Variants in NRXN3 observed in about 807,000 individuals in gnomAD.
The protein encoded by NRXN3 is neurexin III.
NRXN3 carries 32 observed loss-of-function variants against 137.6 expected under a neutral mutation model. The observed-to-expected ratio is 0.23, with a 90% CI of 0.18 to 0.31. The LOEUF (loss-of-function observed/expected upper bound fraction) is 0.31. NRXN3 is among the 10% of genes least tolerant of loss of function. The probability of loss-of-function intolerance (pLI) is 1.00; values close to 1 mark genes in which losing one functional copy is unlikely to be tolerated. For missense variants in NRXN3, 1,574 were observed against 2,062.5 expected (o/e 0.76, Z 4.59); for synonymous variants, 798 against 784.5 (o/e 1.02, Z -0.29).
rs1311523725 is a variant in NRXN3 at position 79,281,663 on chromosome 14, G to C, written c.3263-185558G>C. The C allele has an allele frequency of 6.6e-5, 10 of 152,148 alleles. No individual in the cohort carries two copies. The East Asian group carries it at 1.6e-3, about 24-fold the overall frequency. The allele number at this position is 152,148 out of a possible 1,614,324, so 9.4% of individuals were successfully genotyped here. A position where few individuals can be genotyped will look rare whatever the true frequency, so the allele number is the denominator to read the frequency against. On this transcript the variant is annotated intron_variant, in intron 15 of 20. Transcript: ENST00000335750. ...GTTATAAAGTAGCCTGTGTGGTAAT[G>C]GTCAGGGAAAAGTAGCCAAATATAA...
chr14:78,888,848 T>TACACACACATACACACAC lies in NRXN3; in HGVS notation c.2276-68385_2276-68384insTACACACACACACACACA, dbSNP rs138583318. 6.5e-3 allele frequency among the ~76,000 whole-genome samples: 955 copies of TACACACACATACACACAC among 146,408 alleles called. 10 individuals carry two copies. Among genetic ancestry groups the TACACACACATACACACAC allele is most frequent in the African/African-American group, 0.023 (898 of 39,742 alleles). ...CTAGTTGGGAGAGTAATCACACACA[T>TACACACACATACACACAC]ACACACACACACACACACACACACC... On this transcript the variant is annotated intron_variant, in intron 10 of 20. Coordinates refer to ENST00000335750, the MANE Select transcript of NRXN3 (RefSeq NM_001330195.2).
At chr14:78,379,433 G>A (rs962525094) in intron 4 of NRXN3, among the ~76,000 whole-genome samples, 1 of 152,056 alleles carries the variant, frequency 6.6e-6, no homozygotes, top group Non-Finnish European at 1.5e-5. Context: ...AAAGTAGAAG[G>A]GTGCAGGGAA....
chr14:78,777,638 A>C (rs1054828327), intron 8 of NRXN3, among the ~76,000 whole-genome samples: 1 of 152,210 alleles, frequency 6.6e-6, no homozygotes, highest in Admixed American at 6.5e-5. Context: ...ATGTTTGTCT[A>C]AACAACCCTA....
At chr14:79,073,460 A>G (rs903222216) in intron 15 of NRXN3, among the ~76,000 whole-genome samples, 1 of 152,164 alleles carries the variant, frequency 6.6e-6, no homozygotes, top group Admixed American at 6.5e-5. Flanking sequence ...TAAGAAAATT[A>G]CAGATTAAAT....
chr14:78,250,092 T>C, intron 2 of NRXN3: 1 of 517,114 alleles, frequency 1.9e-6, no homozygotes, highest in Non-Finnish European at 3.9e-6. Context: ...TCTCATTTTT[T>C]TGGATAAGGA....
chr14:79,823,193 A>G (rs1010225646), intron 20 of NRXN3, among the ~76,000 whole-genome samples: 1 of 152,146 alleles, frequency 6.6e-6, no homozygotes, highest in African/African-American at 2.4e-5. Context: ...TCTCTTGGGT[A>G]ATCTATACCA....
intron 15 of NRXN3, among the ~76,000 whole-genome samples, chr14:79,406,343 C>T (rs1432647150): frequency 7.3e-5 from 11 of 150,756 alleles, no homozygotes. Flanking sequence ...CTTGCTCTGT[C>T]ACCCAGGCTG....
intron 16 of NRXN3, among the ~76,000 whole-genome samples, chr14:79,542,397 A>G (rs1324806613): frequency 6.6e-6 from 1 of 152,228 alleles, no homozygotes; most frequent in East Asian, 1.9e-4. Context: ...AAGAGTCTCA[A>G]TGTGTTCTTA....
At chr14:79,064,796 C>CAT (rs1441130553) in intron 15 of NRXN3, among the ~76,000 whole-genome samples, 24 of 70,274 alleles carry the variant, frequency 3.4e-4, no homozygotes, top group Admixed American at 1.5e-3. Context: ...TATAATTACC[C>CAT]ATATATATGT....
chr14:78,385,601 T>G (rs2089855130), intron 4 of NRXN3, among the ~76,000 whole-genome samples: 1 of 152,156 alleles, frequency 6.6e-6, no homozygotes, highest in Non-Finnish European at 1.5e-5. Flanking sequence ...AGGCCAGTGA[T>G]TGGGAAATAT....
chr14:78,660,582 A>C (rs953651353), intron 6 of NRXN3, among the ~76,000 whole-genome samples: 5 of 152,110 alleles, frequency 3.3e-5, no homozygotes, highest in Admixed American at 2.6e-4. Flanking sequence ...GTGGTGTTAA[A>C]CTAAGCTTCT....
At chr14:78,541,356 C>G (rs1328754109) in intron 4 of NRXN3, among the ~76,000 whole-genome samples, 1 of 152,134 alleles carries the variant, frequency 6.6e-6, no homozygotes. Flanking sequence ...TGCTTTATTT[C>G]ATTAATTTGA....
At chr14:79,456,502 G>A (rs1430480981) in intron 15 of NRXN3, among the ~76,000 whole-genome samples, 1 of 152,112 alleles carries the variant, frequency 6.6e-6, no homozygotes, top group South Asian at 2.1e-4. Context: ...CAAGACGGGC[G>A]GATCACTTGA....
chr14:78,509,629 C>T (rs1235158837), intron 4 of NRXN3, among the ~76,000 whole-genome samples: 2 of 152,146 alleles, frequency 1.3e-5, no homozygotes, highest in Non-Finnish European at 2.9e-5. Context: ...GCACCTTCTG[C>T]TCTTCTCCAG....
intron 16 of NRXN3, among the ~76,000 whole-genome samples, chr14:79,529,907 A>G (rs2097154714): frequency 6.6e-6 from 1 of 152,234 alleles, no homozygotes; most frequent in African/African-American, 2.4e-5. Context: ...GTTCATTCTC[A>G]TGGTTTGAAC....
chr14:79,348,248 A>G (rs577129107), intron 15 of NRXN3, among the ~76,000 whole-genome samples: 1 of 152,206 alleles, frequency 6.6e-6, no homozygotes, highest in South Asian at 2.1e-4. Context: ...TTTCTCCCTA[A>G]TGTTTTATTA....
chr14:78,913,541 G>T (rs1482759160), intron 10 of NRXN3, among the ~76,000 whole-genome samples: 1 of 151,894 alleles, frequency 6.6e-6, no homozygotes, highest in East Asian at 1.9e-4. Flanking sequence ...GCCTCCCAAA[G>T]TGCTGGGATT....
intron 1 of NRXN3, among the ~76,000 whole-genome samples, chr14:78,228,005 C>G (rs781483368): frequency 6.6e-5 from 10 of 152,154 alleles, no homozygotes; most frequent in Non-Finnish European, 1.3e-4. Context: ...AAGCAAGTCA[C>G]ATGTCTGAGC....
intron 10 of NRXN3, among the ~76,000 whole-genome samples, chr14:78,953,316 G>A (rs1226419189): frequency 1.3e-5 from 2 of 152,114 alleles, no homozygotes; most frequent in South Asian, 2.1e-4. Context: ...TTCATTATTG[G>A]TTCTGGCTTC....
Sources: allele counts gnomAD v4.1 joint callset (sites outside exome capture counted in the v4.1 genomes callset), GRCh38; gene constraint gnomAD v4.1.1; transcripts MANE v1.5; gene names NCBI Gene and HGNC (gene_info 2026-07-23, HGNC 2026-07-21).